Variants in DLGAP1 observed in about 807,000 individuals in gnomAD.
DLGAP1 encodes DLG associated protein 1.
In DLGAP1, 11 loss-of-function variants were observed where a neutral mutation model predicts 90.8. That is an observed-to-expected ratio of 0.12 (90% confidence interval 0.08 to 0.20). The LOEUF (loss-of-function observed/expected upper bound fraction) is 0.20, where lower values mean the gene tolerates loss of function less well. Ranked by LOEUF, DLGAP1 falls within the 10% of genes least tolerant of loss-of-function variation. DLGAP1 has a pLI of 1.00. For synonymous variants in DLGAP1, 558 were observed against 540.7 expected (o/e 1.03, Z -0.44); for missense variants, 1,050 against 1,333.8 (o/e 0.79, Z 3.31).
At position 3,833,164 on chromosome 18, in the gene DLGAP1, TC is replaced by T. The variant is rs1211787086; in HGVS notation, c.958-18892del. On this transcript the variant is annotated intron_variant, in intron 4 of 12. Coordinates refer to ENST00000315677, the MANE Select transcript of DLGAP1 (RefSeq NM_004746.4). Reference sequence around the variant, plus strand: ...TTCCTTCCTTCCTTCCTTCCTTCCTTCCTTCCTTCCTTCCTTCCTTCCTTCC... The same window carrying T: ...TTCCTTCCTTCCTTCCTTCCTTCCTTCTTCCTTCCTTCCTTCCTTCCTTCC... Among the ~76,000 whole-genome samples the T allele has an allele frequency of 1.2e-3, 4 of 3,424 alleles. No homozygotes were observed. The East Asian group carries it at 0.024, about 21-fold the overall frequency. 2.2% of individuals were successfully genotyped at this position (3,424 alleles called of 152,430 possible). A position where few individuals can be genotyped will look rare whatever the true frequency, so the allele number is the denominator to read the frequency against.
chr18:3,664,535 G>A (rs975575989), intron 7 of DLGAP1, among the ~76,000 whole-genome samples: 1 of 152,030 alleles, frequency 6.6e-6, no homozygotes, highest in African/African-American at 2.4e-5. Flanking sequence ...GAATTAGCAC[G>A]TGCCATCCCT....
intron 2 of DLGAP1, among the ~76,000 whole-genome samples, chr18:4,044,948 A>G (rs1384651997): frequency 2.0e-5 from 3 of 152,146 alleles, no homozygotes; most frequent in Admixed American, 2.0e-4. Context: ...GGAACACTGC[A>G]TATCACCACC....
intron 4 of DLGAP1, among the ~76,000 whole-genome samples, chr18:3,869,083 G>C (rs2070579894): frequency 6.6e-6 from 1 of 151,880 alleles, no homozygotes; most frequent in Non-Finnish European, 1.5e-5. Context: ...TGACTTACCA[G>C]AGCTGTCTGG....
chr18:4,276,627 C>T (rs1308375960), intron 1 of DLGAP1, among the ~76,000 whole-genome samples: 3 of 148,802 alleles, frequency 2.0e-5, no homozygotes, highest in Non-Finnish European at 4.5e-5. Flanking sequence ...CAGAGCAAGA[C>T]ACCAGCTTGA....
chr18:4,093,383 G>C (rs889978830), intron 2 of DLGAP1, among the ~76,000 whole-genome samples: 2 of 152,120 alleles, frequency 1.3e-5, no homozygotes, highest in African/African-American at 4.8e-5. Flanking sequence ...GGTTCTGTGG[G>C]GAACCAGAGG....
intron 1 of DLGAP1, among the ~76,000 whole-genome samples, chr18:4,401,736 AT>A (rs1182446605): frequency 2.0e-5 from 3 of 152,324 alleles, no homozygotes; most frequent in Admixed American, 2.0e-4. Flanking sequence ...TTTAACTTTC[AT>A]TTTTTAAACT....
At chr18:4,360,767 T>A (rs897443573) in intron 1 of DLGAP1, among the ~76,000 whole-genome samples, 15 of 152,070 alleles carry the variant, frequency 9.9e-5, no homozygotes, top group African/African-American at 3.6e-4. Flanking sequence ...TCACCTAAGG[T>A]CAGGAGTTCG....
intron 1 of DLGAP1, among the ~76,000 whole-genome samples, chr18:4,206,627 C>T (rs2077726521): frequency 6.6e-6 from 1 of 152,202 alleles, no homozygotes; most frequent in Non-Finnish European, 1.5e-5. Context: ...AAGGGAATTC[C>T]TTGCATACGA....
rs1175586409 is a variant in DLGAP1 at position 4,454,976 on chromosome 18, C to T, written c.-267+30G>A. On this transcript the variant is annotated intron_variant, in intron 1 of 12. Coordinates refer to ENST00000315677, the MANE Select transcript of DLGAP1 (RefSeq NM_004746.4). The surrounding 1 kb of genome is among the most constrained non-coding windows in gnomAD (Gnocchi z 4.7). ...GCCGCGACCGCCGCCGCCGCGCACG[C>T]CCCAGCCCCGCGGCGCAGCCCGGCG... is the stretch of plus-strand genomic sequence containing the variant. 6.6e-6 allele frequency: 1 copy of T among 150,768 alleles called. No homozygotes were observed. Among genetic ancestry groups the T allele is most frequent in the Admixed American group, 6.6e-5 (1 of 15,092 alleles). 9.3% of individuals were successfully genotyped at this position (150,768 alleles called of 1,614,324 possible).
intron 3 of DLGAP1, among the ~76,000 whole-genome samples, chr18:3,904,121 C>T (rs968522459): frequency 7.9e-5 from 12 of 152,336 alleles, no homozygotes; most frequent in Admixed American, 2.0e-4. Flanking sequence ...AGAAGATGCA[C>T]TCTCAGGAGC....
chr18:4,414,258 ATG>A lies in DLGAP1; in HGVS notation c.-267+40746_-267+40747del, dbSNP rs1458933509. Among the ~76,000 whole-genome samples the A allele has an allele frequency of 3.3e-5, 5 of 152,358 alleles. No individual in the cohort carries two copies. The East Asian group carries it at 9.6e-4, about 29-fold the overall frequency. On this transcript the variant is annotated intron_variant, in intron 1 of 12. Transcript: ENST00000315677. ...AGTAAATTTAAACTATTTATATGAA[ATG>A]TCTTGGAAGTGCTTTGCAAAATAAA... is the stretch of plus-strand genomic sequence containing the variant.
intron 7 of DLGAP1, among the ~76,000 whole-genome samples, chr18:3,604,740 T>C (rs1307787681): frequency 6.6e-6 from 1 of 152,176 alleles, no homozygotes; most frequent in Non-Finnish European, 1.5e-5. Context: ...GCAACTTCCT[T>C]AACTCAAGGT....
intron 1 of DLGAP1, among the ~76,000 whole-genome samples, chr18:4,394,230 G>A (rs1426675118): frequency 6.6e-6 from 1 of 152,066 alleles, no homozygotes; most frequent in Non-Finnish European, 1.5e-5. Context: ...TTGAAAAAAC[G>A]TATTCATTTA....
intron 3 of DLGAP1, among the ~76,000 whole-genome samples, chr18:3,910,497 G>A (rs1346429117): frequency 6.6e-6 from 1 of 152,072 alleles, no homozygotes; most frequent in African/African-American, 2.4e-5. Flanking sequence ...CTTCCTATAG[G>A]CCAAATTCAA....
At chr18:3,928,668 A>G (rs1030159341) in intron 3 of DLGAP1, among the ~76,000 whole-genome samples, 2 of 152,200 alleles carry the variant, frequency 1.3e-5, no homozygotes, top group African/African-American at 4.8e-5. Context: ...GCCACAGAGA[A>G]GTAAAGTAAC....
intron 2 of DLGAP1, among the ~76,000 whole-genome samples, chr18:4,031,324 G>A (rs1159688004): frequency 1.3e-5 from 2 of 151,978 alleles, no homozygotes; most frequent in Non-Finnish European, 2.9e-5. Flanking sequence ...CCTATTAGAT[G>A]ATACAATAAA....
intron 2 of DLGAP1, among the ~76,000 whole-genome samples, chr18:4,128,641 C>T (rs181822635): frequency 9.1e-4 from 139 of 152,262 alleles, no homozygotes; most frequent in African/African-American, 3.2e-3. Context: ...CAGAGAGACA[C>T]GGGTCCTTAC....
At chr18:3,922,675 AG>A (rs2072291583) in intron 3 of DLGAP1, among the ~76,000 whole-genome samples, 1 of 152,102 alleles carries the variant, frequency 6.6e-6, no homozygotes, top group African/African-American at 2.4e-5. Context: ...CCCTTTATGG[AG>A]GAATGTTTTT....
chr18:4,289,320 T>C (rs1423526189), intron 1 of DLGAP1, among the ~76,000 whole-genome samples: 1 of 152,190 alleles, frequency 6.6e-6, no homozygotes, highest in Non-Finnish European at 1.5e-5. Context: ...GGAAGATGCA[T>C]GGAAAAGTAA....
Sources: gnomAD v4.1 joint callset for allele counts (sites outside exome capture counted in the v4.1 genomes callset) on GRCh38, gnomAD v4.1.1 for gene constraint, Gnocchi (gnomAD v3.1) non-coding constraint, MANE v1.5 for transcripts, NCBI Gene and HGNC (gene_info 2026-07-23, HGNC 2026-07-21) for gene names.